DYSF: variants seen among roughly 807,000 people sequenced by gnomAD.
DYSF encodes the protein dystrophy-associated fer-1-like 1.
Under a neutral mutation model 274.9 loss-of-function variants are expected in DYSF, and 212 were observed. The observed-to-expected ratio is 0.77, with a 90% CI of 0.69 to 0.86. DYSF has a LOEUF of 0.86. Among genes scored for constraint, DYSF ranks in the 40% least tolerant of loss-of-function variants. The probability of loss-of-function intolerance (pLI) is 0.00; values close to 1 mark genes in which losing one functional copy is unlikely to be tolerated. For missense variants in DYSF, 2,666 were observed against 2,783.2 expected, an observed-to-expected ratio of 0.96 and a Z score of 0.95; for synonymous variants, 1,091 against 1,078.7, an observed-to-expected ratio of 1.01 and a Z score of -0.22.
At chr2:71,581,442 T>C (rs2092896598) in intron 30 of DYSF, among the ~76,000 whole-genome samples, 1 of 152,238 alleles carries the variant, frequency 6.6e-6, no homozygotes, top group African/African-American at 2.4e-5. Context: ...TGTGTTCCGT[T>C]CTGTCTTTTA....
chr2:71,545,926 G>A (rs116036025), intron 17 of DYSF, among the ~76,000 whole-genome samples: 4 of 152,296 alleles, frequency 2.6e-5, no homozygotes, highest in East Asian at 1.9e-4. Context: ...ATTCAAAGTC[G>A]GGACCACCTT....
intron 30 of DYSF, among the ~76,000 whole-genome samples, chr2:71,585,907 G>A (rs553518043): frequency 1.8e-3 from 268 of 152,244 alleles, no homozygotes; most frequent in African/African-American, 6.3e-3. Context: ...TCCTTGCAGG[G>A]TGACCTTGAT....
chr2:71,469,152 T>G (rs1054829677), intron 1 of DYSF, among the ~76,000 whole-genome samples: 3 of 151,994 alleles, frequency 2.0e-5, no homozygotes, highest in African/African-American at 7.3e-5. Flanking sequence ...GAAAAATGGG[T>G]CTGAGATGTG....
In DYSF at chr2:71,561,820, GCAC is replaced by G. The variant is rs2091790913; in HGVS notation, c.2287_2289del (p.Thr763del). On this transcript the variant is annotated inframe_deletion, in exon 23 of 56. Coordinates refer to ENST00000410020, the MANE Select transcript of DYSF (RefSeq NM_001130987.2). ...CTGGACCAGTACCTGTACCAGCTGCGCACCCATCACCTGAGCCAAATCACTGAG... is the reference window on the plus strand; with the variant it reads ...CTGGACCAGTACCTGTACCAGCTGCGCCATCACCTGAGCCAAATCACTGAG... 1 of 1,614,144 alleles carries G rather than the reference GCAC, an allele frequency of 6.2e-7. No homozygotes were observed. The highest frequency in any genetic ancestry group is 2.2e-5 in the East Asian group (1 of 44,880).
intron 5 of DYSF, among the ~76,000 whole-genome samples, chr2:71,512,573 G>T (rs1186050283): frequency 6.6e-6 from 1 of 152,206 alleles, no homozygotes; most frequent in East Asian, 1.9e-4. Flanking sequence ...ACCCAGCCCG[G>T]GGTGGCTGGC....
intron 22 of DYSF, among the ~76,000 whole-genome samples, chr2:71,561,087 G>A (rs531523724): frequency 6.6e-6 from 1 of 152,286 alleles, no homozygotes; most frequent in South Asian, 2.1e-4. Context: ...ACAGGATTGA[G>A]CTTAAACCTG....
chr2:71,653,969 A>G (rs552142599), intron 42 of DYSF, among the ~76,000 whole-genome samples: 52 of 152,272 alleles, frequency 3.4e-4, no homozygotes, highest in Admixed American at 7.2e-4. Context: ...TAACATAAAC[A>G]TAACTGAAAG....
Position 71,473,113 on chromosome 2 carries a change from T to C in DYSF, c.91+6180T>C, listed in dbSNP as rs558546593. ...GGGTGGTTGACGGGGAGAGGAGCAG[T>C]GCTCTGCTGATGATAGGGGAGACAG... is the stretch of plus-strand genomic sequence containing the variant. On this transcript the variant is annotated intron_variant, in intron 1 of 55. Coordinates refer to ENST00000410020, the MANE Select transcript of DYSF (RefSeq NM_001130987.2). 3.3e-5 allele frequency among the ~76,000 whole-genome samples: 5 copies of C among 152,260 alleles called. No homozygotes were observed. In the East Asian group the frequency reaches 9.7e-4, roughly 29 times the overall value.
At chr2:71,573,035 G>C (rs139935300) in intron 29 of DYSF, among the ~76,000 whole-genome samples, 14 of 152,336 alleles carry the variant, frequency 9.2e-5, no homozygotes, top group Admixed American at 7.2e-4. Context: ...CTCTGTGCCC[G>C]CCTGTCCTGG....
intron 41 of DYSF, among the ~76,000 whole-genome samples, chr2:71,621,328 G>A (rs968306559): frequency 2.6e-5 from 4 of 152,022 alleles, no homozygotes; most frequent in Non-Finnish European, 4.4e-5. Context: ...CTGTTGTACT[G>A]GGGGTCTCAT....
chr2:71,487,966 G>C (rs1038898318), intron 3 of DYSF, among the ~76,000 whole-genome samples: 3 of 152,170 alleles, frequency 2.0e-5, no homozygotes, highest in African/African-American at 7.2e-5. Flanking sequence ...TGGTAAAATT[G>C]TTACAGAACT....
intron 23 of DYSF, 36 bp downstream of exon 23, chr2:71,561,980 C>G (rs780883289): frequency 8.1e-6 from 13 of 1,599,094 alleles, no homozygotes; most frequent in South Asian, 7.9e-5. Flanking sequence ...TTCTTCTGCT[C>G]TCCTGCTGCC....
At chr2:71,547,505 G>A (rs1029750358) in intron 17 of DYSF, among the ~76,000 whole-genome samples, 1 of 152,154 alleles carries the variant, frequency 6.6e-6, no homozygotes, top group Non-Finnish European at 1.5e-5. Flanking sequence ...AGAAATAGGT[G>A]GTGGTGGGCA....
At chr2:71,520,757 C>T in intron 11 of DYSF, 32 bp from the exon 12 acceptor site, 1 of 1,602,676 alleles carries the variant, frequency 6.2e-7, no homozygotes, top group Non-Finnish European at 8.5e-7. Context: ...TCTTCTGATT[C>T]TGGGATCACC....
intron 26 of DYSF, among the ~76,000 whole-genome samples, chr2:71,569,197 G>T (rs1300163742): frequency 6.6e-6 from 1 of 152,182 alleles, no homozygotes; most frequent in African/African-American, 2.4e-5. Flanking sequence ...TTAAGCCTTC[G>T]TTCTGTGTGG....
rs569118501 is a variant in DYSF at position 71,685,233 on chromosome 2, C to T, written c.6322-1221C>T. Among the ~76,000 whole-genome samples the T allele has an allele frequency of 3.3e-5, 5 of 152,322 alleles. No homozygotes were observed. The South Asian group carries it at 1.0e-3, about 32-fold the overall frequency. On this transcript the variant is annotated intron_variant, in intron 55 of 55. Coordinates refer to ENST00000410020, the MANE Select transcript of DYSF (RefSeq NM_001130987.2). ...GCCTGGTCAGAGCTCCTCCCTGTCT[C>T]CTGTCCCCCCAGCAGCGGGCCACTC...
Position 71,520,832 on chromosome 2 carries a change from T to C in DYSF, c.1077T>C (p.Asp359=), listed in dbSNP as rs761584106. 9 of 1,614,026 alleles carry C rather than the reference T, an allele frequency of 5.6e-6. No individual in the cohort carries two copies. In the East Asian group the frequency reaches 1.1e-4, roughly 20 times the overall value. The change falls in exon 12 of 56, where the codon GAT becomes GAC. Residue 359 remains aspartate (D), a synonymous_variant. Coordinates refer to ENST00000410020, the MANE Select transcript of DYSF (RefSeq NM_001130987.2). ...LRKWLLLSDP[D]DFSAGARGYL... is the part of the protein sequence containing the mutation. ...AGTGGCTGCTGCTCTCAGACCCTGATGACTTCTCTGCTGGGGCCAGAGGCT... is the reference window on the plus strand; with the variant it reads ...AGTGGCTGCTGCTCTCAGACCCTGACGACTTCTCTGCTGGGGCCAGAGGCT...
chr2:71,556,221 G>A (rs2091329920), intron 22 of DYSF, 150 bp downstream of exon 22: 5 of 694,996 alleles, frequency 7.2e-6, no homozygotes, highest in South Asian at 4.8e-5. Flanking sequence ...CAAAGGTGGT[G>A]GAGCCAGTGC....
intron 14 of DYSF, among the ~76,000 whole-genome samples, chr2:71,533,099 A>G (rs1197942267): frequency 6.6e-6 from 1 of 152,118 alleles, no homozygotes; most frequent in Non-Finnish European, 1.5e-5. Flanking sequence ...CGCTCATTGC[A>G]GCCTCTGCCT....
Sources: allele counts gnomAD v4.1 joint callset (sites outside exome capture counted in the v4.1 genomes callset), GRCh38; gene constraint gnomAD v4.1.1; transcripts MANE v1.5; gene names NCBI Gene and HGNC (gene_info 2026-07-23, HGNC 2026-07-21).